Variants in SFT2D3 observed in about 807,000 individuals in gnomAD.
SFT2D3 encodes the protein SFT2 domain containing 3, also known as vesicle transport protein SFT2C.
For missense variants in SFT2D3, 405 were observed against 334.6 expected, an observed-to-expected ratio of 1.21 and a Z score of -1.64; for synonymous variants, 239 against 191.2, an observed-to-expected ratio of 1.25 and a Z score of -2.06.
Position 127,701,959 on chromosome 2 carries a change from GGCCC to G in SFT2D3, c.434_437del (p.Pro145ArgfsTer148). On this transcript the variant is annotated frameshift_variant, in exon 1 of 1. Coordinates refer to ENST00000310981, the MANE Select transcript of SFT2D3 (RefSeq NM_032740.4). LOFTEE classifies it low-confidence loss of function (END_TRUNC). ...CTGCGCTGCGAAGAAGCGCCGTCCC[GGCCC>G]GCGCTGCTCTACATGGCAGCGCTGG... 1 of 1,397,460 alleles carries G rather than the reference GGCCC, an allele frequency of 7.2e-7. No homozygotes were observed. Among genetic ancestry groups the G allele is most frequent in the Non-Finnish European group, 9.2e-7 (1 of 1,082,576 alleles). The allele number at this position is 1,397,460 out of a possible 1,614,324, so 86.6% of individuals were successfully genotyped here. A position where few individuals can be genotyped will look rare whatever the true frequency, so the allele number is the denominator to read the frequency against.
chr2:127,704,901 A>G lies in SFT2D3; in HGVS notation c.*2725A>G, dbSNP rs1428617329. On this transcript the variant is annotated 3_prime_UTR_variant, in exon 1 of 1. Coordinates refer to ENST00000310981, the MANE Select transcript of SFT2D3 (RefSeq NM_032740.4). ...CCAGGAGTTTGAAACCAGCATAGAC[A>G]AAGTGGTGAAACTCCATCTCTACAA... The G allele has an allele frequency of 1.9e-5, 3 of 161,516 alleles. No homozygotes were observed. The highest frequency in any genetic ancestry group is 7.2e-5 in the African/African-American group (3 of 41,454). The allele number at this position is 161,516 out of a possible 1,614,324, so 10.0% of individuals were successfully genotyped here. A position where few individuals can be genotyped will look rare whatever the true frequency, so the allele number is the denominator to read the frequency against.
rs1430177068 is a variant in SFT2D3, at chr2:127,703,939, TA to T, written c.*1766del. 6.0e-6 allele frequency: 1 copy of T among 166,710 alleles called. No individual in the cohort carries two copies. Among genetic ancestry groups the T allele is most frequent in the Non-Finnish European group, 1.5e-5 (1 of 68,096 alleles). The allele number at this position is 166,710 out of a possible 1,614,324, so 10.3% of individuals were successfully genotyped here. On this transcript the variant is annotated 3_prime_UTR_variant, in exon 1 of 1. Transcript: ENST00000310981. Reference sequence around the variant, plus strand: ...TCAAGACCAGCCTGGGCAACACAGTTAAACCCCATCGCCACAGAAAATCTTC... The same window carrying T: ...TCAAGACCAGCCTGGGCAACACAGTTAACCCCATCGCCACAGAAAATCTTC...
chr2:127,701,605 TG>T lies in SFT2D3; in HGVS notation c.78del (p.Leu27SerfsTer39). ...GGCGGCCCGGCGGCCGCGGAGCCGC[TG>T]CTCGCCGCGGAGAAGGCGGAGGAGC... is the stretch of plus-strand genomic sequence containing the variant. ...KAGGPAAAEPLLAAEKAEEPG... is the reference protein window; with the variant it reads ...KAGGPAAAEPXLAAEKAEEPG... On this transcript the variant is annotated frameshift_variant, in exon 1 of 1. Coordinates refer to ENST00000310981, the MANE Select transcript of SFT2D3 (RefSeq NM_032740.4). LOFTEE classifies it low-confidence loss of function (END_TRUNC). 7.4e-7 allele frequency: 1 copy of T among 1,348,344 alleles called. No individual in the cohort carries two copies. The highest frequency in any genetic ancestry group is 1.9e-5 in the South Asian group (1 of 53,134). 83.5% of individuals were successfully genotyped at this position (1,348,344 alleles called of 1,614,324 possible).
rs1685896617 is a variant in SFT2D3 at position 127,701,898 on chromosome 2, G to A, written c.370G>A (p.Ala124Thr). 2 of 1,455,704 alleles carry A rather than the reference G, an allele frequency of 1.4e-6. No individual in the cohort carries two copies. The highest frequency in any genetic ancestry group is 1.3e-5 in the South Asian group (1 of 77,160). The allele number at this position is 1,455,704 out of a possible 1,614,324, so 90.2% of individuals were successfully genotyped here. ...LGSALALAGS[A>T]LLRGGAACGR... ...CTCGGCGCTGGCGTTGGCGGGAAGC[G>A]CGCTGCTGCGGGGCGGCGCGGCGTG... Residue 124 changes from alanine to threonine, a missense_variant, in exon 1 of 1, where the codon GCG becomes ACG. Transcript: ENST00000310981.
At position 127,701,528 on chromosome 2, in the gene SFT2D3, G is replaced by A; in HGVS notation, c.-1G>A. On this transcript the variant is annotated 5_prime_UTR_variant, in exon 1 of 1. Transcript: ENST00000310981. ...TCCTTTCTGCCACCGCCTTGTCCAA[G>A]ATGGCGGACCTCCACCGCCAGCTGC... 7 of 1,328,186 alleles carry A rather than the reference G, an allele frequency of 5.3e-6. No homozygotes were observed. Among genetic ancestry groups the A allele is most frequent in the Non-Finnish European group, 6.7e-6 (7 of 1,037,084 alleles). 82.3% of individuals were successfully genotyped at this position (1,328,186 alleles called of 1,614,324 possible). A position where few individuals can be genotyped will look rare whatever the true frequency, so the allele number is the denominator to read the frequency against.
In SFT2D3 at chr2:127,704,346, T is replaced by G. The variant is rs774282551; in HGVS notation, c.*2170T>G. ...AAAATTTTTAAATGTGATCTGGTTATCTGCTTACTGAGATACTATGTTTCT... is the reference window on the plus strand; with the variant it reads ...AAAATTTTTAAATGTGATCTGGTTAGCTGCTTACTGAGATACTATGTTTCT... On this transcript the variant is annotated 3_prime_UTR_variant, in exon 1 of 1. Transcript: ENST00000310981. The G allele has an allele frequency of 2.4e-5, 4 of 167,060 alleles. No homozygotes were observed. The highest frequency in any genetic ancestry group is 5.9e-5 in the Non-Finnish European group (4 of 68,122). The allele number at this position is 167,060 out of a possible 1,614,324, so 10.3% of individuals were successfully genotyped here. A position where few individuals can be genotyped will look rare whatever the true frequency, so the allele number is the denominator to read the frequency against.
chr2:127,703,821 C>G lies in SFT2D3; in HGVS notation c.*1645C>G, dbSNP rs886531058. On this transcript the variant is annotated 3_prime_UTR_variant, in exon 1 of 1. Transcript: ENST00000310981. ...ACAATGTTTATTTCTTAAATAAAAACTTAAAAATTCAACATTTCTCAGCTG... is the reference window on the plus strand; with the variant it reads ...ACAATGTTTATTTCTTAAATAAAAAGTTAAAAATTCAACATTTCTCAGCTG... 1.2e-5 allele frequency: 2 copies of G among 166,880 alleles called. No individual in the cohort carries two copies. Among genetic ancestry groups the G allele is most frequent in the African/African-American group, 4.8e-5 (2 of 41,396 alleles). 10.3% of individuals were successfully genotyped at this position (166,880 alleles called of 1,614,324 possible).
At position 127,701,909 on chromosome 2, in the gene SFT2D3, G is replaced by A; in HGVS notation, c.381G>A (p.Arg127=). Residue 127 remains arginine (R), a synonymous_variant, in exon 1 of 1, where the codon CGG becomes CGA. Coordinates refer to ENST00000310981, the MANE Select transcript of SFT2D3 (RefSeq NM_032740.4). ...ALALAGSALL[R]GGAACGRLLR... Reference sequence around the variant, plus strand: ...CGTTGGCGGGAAGCGCGCTGCTGCGGGGCGGCGCGGCGTGCGGACGCCTGC... The same window carrying A: ...CGTTGGCGGGAAGCGCGCTGCTGCGAGGCGGCGCGGCGTGCGGACGCCTGC... 1 of 1,450,048 alleles carries A rather than the reference G, an allele frequency of 6.9e-7. No individual in the cohort carries two copies. Among genetic ancestry groups the A allele is most frequent in the Non-Finnish European group, 9.0e-7 (1 of 1,107,772 alleles). The allele number at this position is 1,450,048 out of a possible 1,614,324, so 89.8% of individuals were successfully genotyped here.
chr2:127,702,739 TAAC>T lies in SFT2D3; in HGVS notation c.*566_*568del, dbSNP rs1458235338. The T allele has an allele frequency of 1.2e-5, 2 of 167,110 alleles. No homozygotes were observed. Among genetic ancestry groups the T allele is most frequent in the African/African-American group, 4.8e-5 (2 of 41,466 alleles). 10.4% of individuals were successfully genotyped at this position (167,110 alleles called of 1,614,324 possible). On this transcript the variant is annotated 3_prime_UTR_variant, in exon 1 of 1. Transcript: ENST00000310981. ...GTTTATCTCGGGTTTTTTCTTCAGT[TAAC>T]AAAATCATAAATATGGTGCCTTATA...
Position 127,704,441 on chromosome 2 carries a change from T to C in SFT2D3, c.*2265T>C, listed in dbSNP as rs186051321. On this transcript the variant is annotated 3_prime_UTR_variant, in exon 1 of 1. Transcript: ENST00000310981. ...AGGGAAAAAAAGTCTAATCTTGATA[T>C]GGGTTTGGTCTCTGGATCCGGTTTT... is the stretch of plus-strand genomic sequence containing the variant. 6.0e-6 allele frequency: 1 copy of C among 167,128 alleles called. No individual in the cohort carries two copies. The highest frequency in any genetic ancestry group is 2.4e-5 in the African/African-American group (1 of 41,550). The allele number at this position is 167,128 out of a possible 1,614,324, so 10.4% of individuals were successfully genotyped here.
chr2:127,701,540 C>G lies in SFT2D3; in HGVS notation c.12C>G (p.Leu4=). 7.4e-7 allele frequency: 1 copy of G among 1,343,868 alleles called. No individual in the cohort carries two copies. The highest frequency in any genetic ancestry group is 9.6e-7 in the Non-Finnish European group (1 of 1,045,974). 83.2% of individuals were successfully genotyped at this position (1,343,868 alleles called of 1,614,324 possible). The part of the protein sequence containing the change: MAD[L]HRQLQEYLAQ... Reference sequence around the variant, plus strand: ...CCGCCTTGTCCAAGATGGCGGACCTCCACCGCCAGCTGCAGGAGTACCTGG... The same window carrying G: ...CCGCCTTGTCCAAGATGGCGGACCTGCACCGCCAGCTGCAGGAGTACCTGG... The change falls in exon 1 of 1, where the codon CTC becomes CTG. Residue 4 remains leucine (L), a synonymous_variant. Coordinates refer to ENST00000310981, the MANE Select transcript of SFT2D3 (RefSeq NM_032740.4).
chr2:127,702,058 TG>T lies in SFT2D3; in HGVS notation c.532del (p.Ala178ProfsTer116). ...ACGGTGCTGGGCGCGGGCGCGCAGG[TG>T]GCCGCGCTGCTGGCCGCGCTGGTTG... ...LLTVLGAGAQ[V>X]AALLAALVGL... is the part of the protein sequence containing the mutation. On this transcript the variant is annotated frameshift_variant, in exon 1 of 1. Transcript: ENST00000310981. LOFTEE classifies it low-confidence loss of function (END_TRUNC). 8.3e-7 allele frequency: 1 copy of T among 1,210,028 alleles called. No individual in the cohort carries two copies. Among genetic ancestry groups the T allele is most frequent in the South Asian group, 3.5e-5 (1 of 28,722 alleles). The allele number at this position is 1,210,028 out of a possible 1,614,324, so 75.0% of individuals were successfully genotyped here. A position where few individuals can be genotyped will look rare whatever the true frequency, so the allele number is the denominator to read the frequency against.
chr2:127,701,802 G>C lies in SFT2D3; in HGVS notation c.274G>C (p.Gly92Arg). 6.9e-7 allele frequency: 1 copy of C among 1,454,570 alleles called. No homozygotes were observed. Among genetic ancestry groups the C allele is most frequent in the Non-Finnish European group, 9.0e-7 (1 of 1,107,244 alleles). 90.1% of individuals were successfully genotyped at this position (1,454,570 alleles called of 1,614,324 possible). The change falls in exon 1 of 1, where the codon GGC becomes CGC. Residue 92 changes from glycine to arginine, a missense_variant. Physicochemically the swap from Gly to Arg is moderately radical, Grantham distance 125. Transcript: ENST00000310981. ...GCLLLAALCFGLAALYAPVLL... is the reference protein window; with the variant it reads ...GCLLLAALCFRLAALYAPVLL... Reference sequence around the variant, plus strand: ...CCTGCTGCTGGCTGCACTGTGTTTCGGCCTAGCCGCGCTCTACGCACCGGT... The same window carrying C: ...CCTGCTGCTGGCTGCACTGTGTTTCCGCCTAGCCGCGCTCTACGCACCGGT...
At position 127,704,402 on chromosome 2, in the gene SFT2D3, T is replaced by A. The variant is rs895840070; in HGVS notation, c.*2226T>A. On this transcript the variant is annotated 3_prime_UTR_variant, in exon 1 of 1. Transcript: ENST00000310981. ...TAAAGCCCAAAATAATGAAAATTTT[T>A]CCACTAGAATCTCAGGGAAAAAAAG... The A allele has an allele frequency of 6.0e-6, 1 of 167,014 alleles. No individual in the cohort carries two copies. The highest frequency in any genetic ancestry group is 1.5e-5 in the Non-Finnish European group (1 of 68,100). The allele number at this position is 167,014 out of a possible 1,614,324, so 10.3% of individuals were successfully genotyped here.
rs1465281638 is a variant in SFT2D3, at chr2:127,702,076, C to T, written c.548C>T (p.Ala183Val). ...GCGCAGGTGGCCGCGCTGCTGGCCG[C>T]GCTGGTTGGGCTGCTGCCCTGGGGC... is the stretch of plus-strand genomic sequence containing the variant. ...AGAQVAALLA[A>V]LVGLLPWGGG... Residue 183 changes from alanine (A) to valine (V), a missense_variant, in exon 1 of 1, where the codon GCG becomes GTG. Coordinates refer to ENST00000310981, the MANE Select transcript of SFT2D3 (RefSeq NM_032740.4). 4.9e-6 allele frequency: 6 copies of T among 1,223,626 alleles called. No individual in the cohort carries two copies. Among genetic ancestry groups the T allele is most frequent in the Admixed American group, 4.3e-5 (1 of 23,282 alleles). The allele number at this position is 1,223,626 out of a possible 1,614,324, so 75.8% of individuals were successfully genotyped here.
In SFT2D3 at chr2:127,701,766, G is replaced by T; in HGVS notation, c.238G>T (p.Gly80Cys). 1 of 1,426,276 alleles carries T rather than the reference G, an allele frequency of 7.0e-7. No individual in the cohort carries two copies. Among genetic ancestry groups the T allele is most frequent in the African/African-American group, 1.5e-5 (1 of 67,196 alleles). 88.4% of individuals were successfully genotyped at this position (1,426,276 alleles called of 1,614,324 possible). ...GACGCGCGGGCAGCGGCTGGCGGCG[G>T]GCGGCGGGTGCCTGCTGCTGGCTGC... ...SVTRGQRLAA[G>C]GGCLLLAALC... Residue 80 changes from glycine (G) to cysteine (C), a missense_variant, in exon 1 of 1, where the codon GGC becomes TGC. Transcript: ENST00000310981.
In SFT2D3 at chr2:127,701,623, C is replaced by A; in HGVS notation, c.95C>A (p.Ala32Glu). 1 of 1,330,386 alleles carries A rather than the reference C, an allele frequency of 7.5e-7. No homozygotes were observed. Among genetic ancestry groups the A allele is most frequent in the South Asian group, 1.9e-5 (1 of 51,440 alleles). 82.4% of individuals were successfully genotyped at this position (1,330,386 alleles called of 1,614,324 possible). ...AAEPLLAAEK[A>E]EEPGDRPAEE... The stretch of plus-strand genomic sequence containing the variant: ...GAGCCGCTGCTCGCCGCGGAGAAGG[C>A]GGAGGAGCCCGGGGACCGGCCGGCG... The change falls in exon 1 of 1, where the codon GCG becomes GAG. Residue 32 changes from alanine (A) to glutamate (E), a missense_variant. Transcript: ENST00000310981.
Position 127,702,468 on chromosome 2 carries a change from T to C in SFT2D3, c.*292T>C. On this transcript the variant is annotated 3_prime_UTR_variant, in exon 1 of 1. Transcript: ENST00000310981. ...CGGTTATTAGAAGTTGCTTTCGAAG[T>C]AACTGTGGTCTTAGGTTCGGCTGAG... The C allele has an allele frequency of 4.3e-6, 1 of 232,050 alleles. No individual in the cohort carries two copies. The highest frequency in any genetic ancestry group is 9.0e-6 in the Non-Finnish European group (1 of 111,096). The allele number at this position is 232,050 out of a possible 1,614,324, so 14.4% of individuals were successfully genotyped here. A position where few individuals can be genotyped will look rare whatever the true frequency, so the allele number is the denominator to read the frequency against.
In SFT2D3 at chr2:127,702,283, G is replaced by T; in HGVS notation, c.*107G>T. The T allele has an allele frequency of 9.2e-7, 1 of 1,085,748 alleles. No homozygotes were observed. 67.3% of individuals were successfully genotyped at this position (1,085,748 alleles called of 1,614,324 possible). A position where few individuals can be genotyped will look rare whatever the true frequency, so the allele number is the denominator to read the frequency against. ...CCGCTGTGCGGAAGCCCGTGGCGAAGGCCCTGCCCTAACAGCCTGCGAGTC... is the reference window on the plus strand; with the variant it reads ...CCGCTGTGCGGAAGCCCGTGGCGAATGCCCTGCCCTAACAGCCTGCGAGTC... On this transcript the variant is annotated 3_prime_UTR_variant, in exon 1 of 1. Coordinates refer to ENST00000310981, the MANE Select transcript of SFT2D3 (RefSeq NM_032740.4).
Sources: gnomAD v4.1 joint callset for allele counts on GRCh38, gnomAD v4.1.1 for gene constraint, MANE v1.5 for transcripts, NCBI Gene and HGNC (gene_info 2026-07-23, HGNC 2026-07-21) for gene names.